Variants in WNK1 observed in about 807,000 individuals in gnomAD.
WNK1 encodes the protein WNK lysine deficient protein kinase 1, also known as serine/threonine-protein kinase WNK1.
A neutral mutation model predicts 222.8 loss-of-function variants in WNK1; 38 were observed. That is an observed-to-expected ratio of 0.17 (90% confidence interval 0.13 to 0.22). WNK1 has a LOEUF of 0.22. Ranked by LOEUF, WNK1 falls within the 10% of genes least tolerant of loss-of-function variation. The pLI, the probability that WNK1 is intolerant of heterozygous loss-of-function variation, is 1.00. For missense variants in WNK1, 2,348 were observed against 2,918.4 expected (o/e 0.80, Z 4.50); for synonymous variants, 1,090 against 1,092.9 (o/e 1.00, Z 0.05).
intron 4 of WNK1, among the ~76,000 whole-genome samples, chr12:840,728 C>T (rs1180127599): frequency 1.3e-5 from 2 of 152,106 alleles, no homozygotes; most frequent in Non-Finnish European, 2.9e-5. Context: ...AAACATGTTC[C>T]CCTGTAGAGT....
chr12:800,839 CT>C (rs1945797125), intron 1 of WNK1, among the ~76,000 whole-genome samples: 1 of 152,146 alleles, frequency 6.6e-6, no homozygotes, highest in South Asian at 2.1e-4. Flanking sequence ...AGAGTAGAAC[CT>C]TAATTTCCTG....
intron 8 of WNK1, chr12:865,257 A>G: frequency 2.0e-6 from 3 of 1,536,002 alleles, no homozygotes; most frequent in Non-Finnish European, 2.6e-6. Flanking sequence ...CCCCGAGGAA[A>G]CTTTTGCCGA....
At chr12:880,087 C>A in intron 11 of WNK1, 56 bp downstream of exon 11, 1 of 1,523,276 alleles carries the variant, frequency 6.6e-7, no homozygotes, top group Non-Finnish European at 9.0e-7. Context: ...AGTAGATCAT[C>A]AGGAACATGG....
intron 1 of WNK1, among the ~76,000 whole-genome samples, chr12:758,311 G>A (rs1224948814): frequency 3.0e-5 from 4 of 135,184 alleles, no homozygotes; most frequent in African/African-American, 7.9e-5. Context: ...GTATAGCAGT[G>A]TTACAGAAAT....
At chr12:861,439 T>A in intron 7 of WNK1, 96 bp downstream of exon 7, 1 of 1,128,998 alleles carries the variant, frequency 8.9e-7, no homozygotes, top group South Asian at 1.3e-5. Context: ...GGTTTTGAAT[T>A]ATGAATCCTA....
Position 789,272 on chromosome 12 carries a change from A to G in WNK1, c.760-24370A>G, listed in dbSNP as rs139100539. Among the ~76,000 whole-genome samples the G allele has an allele frequency of 2.6e-3, 400 of 152,240 alleles. 1 individual carries two copies. Among genetic ancestry groups the G allele is most frequent in the African/African-American group, 9.1e-3 (377 of 41,548 alleles). ...TTACAGTCTGAAGTACAAAACCCCA[A>G]TGATTTTCCATTCTAGTGCTTCAGT... On this transcript the variant is annotated intron_variant, in intron 1 of 27. Coordinates refer to ENST00000315939, the MANE Select transcript of WNK1 (RefSeq NM_018979.4).
In WNK1 at chr12:883,482, A is replaced by G. The variant is rs139115390; in HGVS notation, c.3577A>G (p.Ser1193Gly). Residue 1193 changes from serine to glycine, a missense_variant, in exon 16 of 28, where the codon AGT becomes GGT. Transcript: ENST00000315939. ...EIIEKADEML[S>G]EDVSVEPEGD... ...TATTGAAAAAGCTGATGAAATGCTC[A>G]GTGAGGATGTCAGTGTGGAACCAGA... is the stretch of plus-strand genomic sequence containing the variant. 1 of 1,614,190 alleles carries G rather than the reference A, an allele frequency of 6.2e-7. No homozygotes were observed. The highest frequency in any genetic ancestry group is 1.1e-5 in the South Asian group (1 of 91,088).
At chr12:786,351 A>G (rs1435350412) in intron 1 of WNK1, among the ~76,000 whole-genome samples, 1 of 152,184 alleles carries the variant, frequency 6.6e-6, no homozygotes, top group African/African-American at 2.4e-5. Flanking sequence ...AAATAATTGT[A>G]CTTTTTATCA....
In WNK1 at chr12:897,588, C is replaced by T. The variant is rs372087699; in HGVS notation, c.6355C>T (p.Pro2119Ser). 1.2e-6 allele frequency: 2 copies of T among 1,614,140 alleles called. No individual in the cohort carries two copies. The highest frequency in any genetic ancestry group is 1.1e-5 in the South Asian group (1 of 91,080). The change falls in exon 25 of 28, where the codon CCC (proline) becomes TCC (serine). Residue 2119 changes from proline to serine, a missense_variant. This residue lies in a region of WNK1 where 1,144 missense variants were observed against 1,273.6 expected (regional missense o/e 0.90). Coordinates refer to ENST00000315939, the MANE Select transcript of WNK1 (RefSeq NM_018979.4). The part of the protein sequence containing the change: ...PPAVIIPPAA[P>S]LSGRRRRPTK... Reference sequence around the variant, plus strand: ...TGCTGTTATTATTCCCCCAGCTGCTCCCCTTTCAGGGAGAAGACGACGACC... The same window carrying T: ...TGCTGTTATTATTCCCCCAGCTGCTTCCCTTTCAGGGAGAAGACGACGACC...
chr12:816,046 A>C (rs1458003513), intron 2 of WNK1, among the ~76,000 whole-genome samples: 1 of 152,192 alleles, frequency 6.6e-6, no homozygotes, highest in African/African-American at 2.4e-5. Context: ...ATGTCCATGC[A>C]AGGACAGAAA....
intron 1 of WNK1, among the ~76,000 whole-genome samples, chr12:757,753 T>C (rs1940342013): frequency 7.2e-6 from 1 of 139,772 alleles, no homozygotes; most frequent in Non-Finnish European, 1.6e-5. Flanking sequence ...AAAACATTGA[T>C]GGAGCCGGGT....
Position 802,483 on chromosome 12 carries a change from G to A in WNK1, c.760-11159G>A, listed in dbSNP as rs540458481. On this transcript the variant is annotated intron_variant, in intron 1 of 27. Coordinates refer to ENST00000315939, the MANE Select transcript of WNK1 (RefSeq NM_018979.4). Reference sequence around the variant, plus strand: ...CGGGGTCATAAACAGTAGGTTTGGAGGATCTATCCTTGTTCAGTATAGAAG... The same window carrying A: ...CGGGGTCATAAACAGTAGGTTTGGAAGATCTATCCTTGTTCAGTATAGAAG... 3.9e-5 allele frequency among the ~76,000 whole-genome samples: 6 copies of A among 152,230 alleles called. No individual in the cohort carries two copies. In the South Asian group the frequency reaches 1.2e-3, roughly 32 times the overall value.
At position 882,025 on chromosome 12, in the gene WNK1, T is replaced by C; in HGVS notation, c.3324T>C (p.Ser1108=). ...GGCATTACCGAAAATCTGTAAGGAG[T>C]CGCTCTCGACATGAAAAAACTTCAC... ...TKRHYRKSVR[S]RSRHEKTSRP... The change falls in exon 14 of 28, where the codon AGT becomes AGC. Residue 1108 remains serine, a synonymous_variant. Transcript: ENST00000315939. 1.2e-6 allele frequency: 2 copies of C among 1,613,592 alleles called. No individual in the cohort carries two copies. Among genetic ancestry groups the C allele is most frequent in the Non-Finnish European group, 1.7e-6 (2 of 1,179,924 alleles).
At chr12:783,480 C>T (rs1273713093) in intron 1 of WNK1, among the ~76,000 whole-genome samples, 4 of 126,348 alleles carry the variant, frequency 3.2e-5, no homozygotes, top group East Asian at 5.4e-4. Context: ...AACCAAGATG[C>T]TGTCTCCACC....
chr12:894,659 C>T (rs755324357), intron 23 of WNK1, 24 bp downstream of exon 23: 1 of 1,607,540 alleles, frequency 6.2e-7, no homozygotes. Context: ...TTTGTGTTGC[C>T]TTGATTCCTT....
At chr12:786,408 C>T (rs1472534273) in intron 1 of WNK1, among the ~76,000 whole-genome samples, 1 of 151,792 alleles carries the variant, frequency 6.6e-6, no homozygotes, top group Non-Finnish European at 1.5e-5. Context: ...TTGCTTAACA[C>T]ATTCCCTTTT....
At chr12:872,051 T>G (rs1367647619) in intron 9 of WNK1, among the ~76,000 whole-genome samples, 1 of 152,244 alleles carries the variant, frequency 6.6e-6, no homozygotes, top group East Asian at 1.9e-4. Flanking sequence ...ATCTGTAGAA[T>G]GATGTGTCAG....
At position 887,381 on chromosome 12, in the gene WNK1, G is replaced by T. The variant is rs1369144781; in HGVS notation, c.5364+77G>T. The T allele has an allele frequency of 2.6e-5, 38 of 1,463,356 alleles. No homozygotes were observed. The East Asian group carries it at 7.9e-4, about 31-fold the overall frequency. The allele number at this position is 1,463,356 out of a possible 1,614,324, so 90.6% of individuals were successfully genotyped here. A position where few individuals can be genotyped will look rare whatever the true frequency, so the allele number is the denominator to read the frequency against. ...GCTTGCTGAAGTTCTCCACTACGTG[G>T]TCTTGGCTTTTGCCTATTTGTCTTT... is the stretch of plus-strand genomic sequence containing the variant. On this transcript the variant is annotated intron_variant, in intron 20 of 27. Coordinates refer to ENST00000315939, the MANE Select transcript of WNK1 (RefSeq NM_018979.4).
At chr12:867,915 C>CA in intron 8 of WNK1, 1 of 1,614,018 alleles carries the variant, frequency 6.2e-7, no homozygotes, top group Non-Finnish European at 8.5e-7. Context: ...TACCCAGAAT[C>CA]ACAGATATTT....
Sources: gnomAD v4.1 joint callset for allele counts (sites outside exome capture counted in the v4.1 genomes callset) on GRCh38, gnomAD v4.1.1 for gene constraint, gnomAD v4.1.1 regional missense constraint, MANE v1.5 for transcripts, NCBI Gene and HGNC (gene_info 2026-07-23, HGNC 2026-07-21) for gene names.